Variants in DNAL1 observed in about 807,000 individuals in gnomAD.
DNAL1 encodes dynein axonemal light chain 1.
A neutral mutation model predicts 29.4 loss-of-function variants in DNAL1; 17 were observed. The ratio of observed to expected loss-of-function variants is 0.58; its 90% confidence interval spans 0.40 to 0.87. The LOEUF (loss-of-function observed/expected upper bound fraction) is 0.87, where lower values mean the gene tolerates loss of function less well. Among genes scored for constraint, DNAL1 ranks in the 40% least tolerant of loss-of-function variants. DNAL1 has a pLI of 0.00. For missense variants in DNAL1, 188 were observed against 214.1 expected, an observed-to-expected ratio of 0.88 and a Z score of 0.76; for synonymous variants, 78 against 76.3, an observed-to-expected ratio of 1.02 and a Z score of -0.12.
At chr14:73,651,094 G>C (rs1891103917) in intron 1 of DNAL1, 1 of 152,080 alleles carries the variant, frequency 6.6e-6, no homozygotes, top group Non-Finnish European at 1.5e-5. Context: ...ATCTATTCTT[G>C]ATCATGGTTC....
At chr14:73,689,033 T>G (rs889176794) in intron 6 of DNAL1, among the ~76,000 whole-genome samples, 4 of 138,894 alleles carry the variant, frequency 2.9e-5, no homozygotes, top group Non-Finnish European at 6.2e-5. Flanking sequence ...GCTGTTTTTT[T>G]TTTTTTTTTT....
At position 73,654,893 on chromosome 14, in the gene DNAL1, C is replaced by T. The variant is rs1891180396; in HGVS notation, c.42+8C>T. On this transcript the variant is annotated splice_region_variant and intron_variant, in intron 2 of 7. Coordinates refer to ENST00000553645, the MANE Select transcript of DNAL1 (RefSeq NM_031427.4). ...GAAGCCTTAGCGAGATGGGTGAGTA[C>T]ATGAGTTTTTCCTTCTTTTAGAAAC... 1 of 1,539,756 alleles carries T rather than the reference C, an allele frequency of 6.5e-7. No homozygotes were observed. The highest frequency in any genetic ancestry group is 8.7e-7 in the Non-Finnish European group (1 of 1,143,336).
intron 7 of DNAL1, among the ~76,000 whole-genome samples, chr14:73,689,844 T>C (rs573156517): frequency 8.5e-5 from 13 of 152,076 alleles, no homozygotes; most frequent in Non-Finnish European, 1.3e-4. Context: ...GAGACCAGCC[T>C]GGCCAACATG....
chr14:73,660,844 A>G (rs1891325203), intron 3 of DNAL1, among the ~76,000 whole-genome samples: 1 of 152,218 alleles, frequency 6.6e-6, no homozygotes, highest in African/African-American at 2.4e-5. Flanking sequence ...AGCACCTTGT[A>G]TATCACCTCG....
chr14:73,695,713 G>T (rs547974921), intron 7 of DNAL1, among the ~76,000 whole-genome samples, 189 bp from the exon 8 acceptor site: 1 of 152,162 alleles, frequency 6.6e-6, no homozygotes, highest in Non-Finnish European at 1.5e-5. Context: ...TATTTTTATA[G>T]AGACGGGGTT....
rs186171861 is a variant in DNAL1, at chr14:73,647,711, C to G, written c.3+2669C>G. Among the ~76,000 whole-genome samples the G allele has an allele frequency of 2.2e-4, 34 of 152,304 alleles. No individual in the cohort carries two copies. The East Asian group carries it at 4.6e-3, about 21-fold the overall frequency. On this transcript the variant is annotated intron_variant, in intron 1 of 7. Coordinates refer to ENST00000553645, the MANE Select transcript of DNAL1 (RefSeq NM_031427.4). Reference sequence around the variant, plus strand: ...ATTTGAGTTTTTGACTCCTTCTATCCATAGGAAAACCAGTTAAACCTTATA... The same window carrying G: ...ATTTGAGTTTTTGACTCCTTCTATCGATAGGAAAACCAGTTAAACCTTATA...
At chr14:73,684,877 G>A (rs1891976325) in intron 5 of DNAL1, among the ~76,000 whole-genome samples, 1 of 152,174 alleles carries the variant, frequency 6.6e-6, no homozygotes, top group South Asian at 2.1e-4. Flanking sequence ...CTGCGTAACA[G>A]ATCGAGACTC....
intron 5 of DNAL1, among the ~76,000 whole-genome samples, chr14:73,681,215 C>CGCA (rs1256307896): frequency 6.6e-6 from 1 of 151,288 alleles, no homozygotes; most frequent in Non-Finnish European, 1.5e-5. Flanking sequence ...CTCACTGCAA[C>CGCA]CTCCGTCTCC....
At chr14:73,683,572 G>A (rs893630664) in intron 5 of DNAL1, among the ~76,000 whole-genome samples, 7 of 151,892 alleles carry the variant, frequency 4.6e-5, no homozygotes, top group African/African-American at 7.3e-5. Context: ...CTACATAATT[G>A]TAACTTGGTA....
chr14:73,692,741 A>C (rs1284999135), intron 7 of DNAL1, among the ~76,000 whole-genome samples: 1 of 152,150 alleles, frequency 6.6e-6, no homozygotes, highest in Non-Finnish European at 1.5e-5. Context: ...ACCTTAGTCT[A>C]TTCTAAACCA....
intron 4 of DNAL1, among the ~76,000 whole-genome samples, chr14:73,665,579 T>G (rs1891458135): frequency 6.6e-6 from 1 of 151,922 alleles, no homozygotes; most frequent in Non-Finnish European, 1.5e-5. Context: ...TCACCTGAGG[T>G]CAGGAGTTTG....
intron 6 of DNAL1, 94 bp from the exon 7 acceptor site, chr14:73,689,281 C>A: frequency 6.9e-7 from 1 of 1,452,760 alleles, no homozygotes; most frequent in Non-Finnish European, 9.3e-7. Flanking sequence ...ATCCGCCCGC[C>A]TTGTCCCCCC....
At chr14:73,681,460 T>C (rs976139165) in intron 5 of DNAL1, among the ~76,000 whole-genome samples, 1 of 151,156 alleles carries the variant, frequency 6.6e-6, no homozygotes, top group Non-Finnish European at 1.5e-5. Flanking sequence ...GTACACAGGC[T>C]ACACTTAATT....
At chr14:73,689,318 C>G (rs1275792799) in intron 6 of DNAL1, 57 bp from the exon 7 acceptor site, 94 of 1,543,982 alleles carry the variant, frequency 6.1e-5, no homozygotes, top group Non-Finnish European at 8.1e-5. Flanking sequence ...AGGCGTGGAC[C>G]ACCGCACCCG....
At chr14:73,663,380 A>G (rs924873711) in intron 4 of DNAL1, among the ~76,000 whole-genome samples, 2 of 151,620 alleles carry the variant, frequency 1.3e-5, no homozygotes, top group African/African-American at 4.8e-5. Flanking sequence ...TAATTTTTGT[A>G]TTTTTAGTGG....
intron 5 of DNAL1, among the ~76,000 whole-genome samples, chr14:73,685,515 A>C (rs1379579925): frequency 7.0e-6 from 1 of 143,118 alleles, no homozygotes; most frequent in African/African-American, 2.6e-5. Context: ...GCTGGAGTGC[A>C]GTTGCGCAAT....
chr14:73,681,605 CAAAAAAAA>C (rs71112792), intron 5 of DNAL1, among the ~76,000 whole-genome samples: 7 of 52,842 alleles, frequency 1.3e-4, no homozygotes, highest in South Asian at 9.3e-4. Context: ...CCATCTCTAC[CAAAAAAAA>C]AAAAAAAAAA....
chr14:73,668,214 ACTAT>A (rs1453158216), intron 4 of DNAL1, among the ~76,000 whole-genome samples: 1 of 151,018 alleles, frequency 6.6e-6, no homozygotes, highest in Non-Finnish European at 1.5e-5. Context: ...CACATTTTTC[ACTAT>A]CTAATATACT....
intron 3 of DNAL1, among the ~76,000 whole-genome samples, 188 bp from the exon 4 acceptor site, chr14:73,661,799 T>G (rs1027875361): frequency 3.9e-5 from 6 of 152,166 alleles, no homozygotes; most frequent in African/African-American, 1.2e-4. Flanking sequence ...TTTTTTCAAA[T>G]TTTTAATGAG....
Sources: allele counts gnomAD v4.1 joint callset (sites outside exome capture counted in the v4.1 genomes callset), GRCh38; gene constraint gnomAD v4.1.1; transcripts MANE v1.5; gene names NCBI Gene and HGNC (gene_info 2026-07-23, HGNC 2026-07-21).